The following CASK variants were observed in gnomAD, a reference collection of about 807,000 sequenced individuals.
CASK encodes peripheral plasma membrane protein CASK.
In CASK, 4 loss-of-function variants were observed where a neutral mutation model predicts 82.9. The observed-to-expected ratio is 0.05, with a 90% CI of 0.02 to 0.11. The LOEUF is 0.11. Ranked by LOEUF, CASK falls within the 10% of genes least tolerant of loss-of-function variation. The pLI is 1.00. For missense variants in CASK, 358 were observed against 720.9 expected, an observed-to-expected ratio of 0.50 and a Z score of 5.76; for synonymous variants, 259 against 253.5, an observed-to-expected ratio of 1.02 and a Z score of -0.20.
At chrX:41,545,079 G>A (rs1452131054) in intron 21 of CASK, among the ~76,000 whole-genome samples, 1 of 109,909 alleles carries the variant, frequency 9.1e-6, no homozygotes, top group Non-Finnish European at 1.9e-5. Flanking sequence ...AGGCTGGAGT[G>A]CAGTGGTGCA....
At position 41,520,441 on chromosome X, in the gene CASK, G is replaced by C; in HGVS notation, c.2760C>G (p.Val920=). The C allele has an allele frequency of 8.3e-7, 1 of 1,208,721 alleles. No individual in the cohort carries two copies. Among genetic ancestry groups the C allele is most frequent in the Non-Finnish European group, 1.1e-6 (1 of 893,305 alleles). The change falls in exon 27 of 27, where the codon GTC becomes GTG. Residue 920 remains valine, a synonymous_variant. Transcript: ENST00000378163. ...AGGCCTAATAGACCCAGGAGACAGG[G>C]ACCCACTGTGGGGCTGTGCACACGA... ...VELVCTAPQW[V]PVSWVY is the part of the protein sequence containing the mutation.
Position 41,518,150 on chromosome X carries a change from C to T in CASK, c.*2270G>A, listed in dbSNP as rs2064586605. 6.6e-6 allele frequency: 1 copy of T among 150,879 alleles called. No homozygotes were observed. Among genetic ancestry groups the T allele is most frequent in the African/African-American group, 3.1e-5 (1 of 32,040 alleles). The allele number at this position is 150,879 out of a possible 1,213,427, so 12.4% of individuals were successfully genotyped here. On this transcript the variant is annotated 3_prime_UTR_variant, in exon 27 of 27. Coordinates refer to ENST00000378163, the MANE Select transcript of CASK (RefSeq NM_001367721.1). ...ATGGCAGATGGCTTAAGACAGGCATCATCAGCATCTCTGGAGATGTGGGCT... is the reference window on the plus strand; with the variant it reads ...ATGGCAGATGGCTTAAGACAGGCATTATCAGCATCTCTGGAGATGTGGGCT...
intron 3 of CASK, among the ~76,000 whole-genome samples, chrX:41,757,261 T>G: frequency 8.9e-6 from 1 of 111,932 alleles, no homozygotes; most frequent in Non-Finnish European, 1.9e-5. Flanking sequence ...GGTACTGTTT[T>G]GATGTCTTCA....
chrX:41,580,175 C>A (rs941428633), intron 14 of CASK, among the ~76,000 whole-genome samples: 1 of 112,151 alleles, frequency 8.9e-6, no homozygotes, highest in Non-Finnish European at 1.9e-5. Context: ...ACATAAGAAA[C>A]CAAGATTTAG....
At chrX:41,765,933 T>G (rs2069104843) in intron 3 of CASK, among the ~76,000 whole-genome samples, 2 of 111,971 alleles carry the variant, frequency 1.8e-5, no homozygotes, top group African/African-American at 3.2e-5. Context: ...TGCAGATATC[T>G]GAATAAGATC....
intron 11 of CASK, among the ~76,000 whole-genome samples, chrX:41,618,879 G>A (rs1336793400): frequency 1.9e-5 from 2 of 103,386 alleles, no homozygotes; most frequent in African/African-American, 7.1e-5. Context: ...CAGGCTGGAG[G>A]GCGGTGGTGT....
At chrX:41,832,270 T>A (rs1382715882) in intron 2 of CASK, among the ~76,000 whole-genome samples, 2 of 111,767 alleles carry the variant, frequency 1.8e-5, no homozygotes, top group Non-Finnish European at 3.8e-5. Flanking sequence ...CTTGGGCATG[T>A]CTCTTCAGGG....
intron 2 of CASK, among the ~76,000 whole-genome samples, chrX:41,798,422 G>A (rs780704312): frequency 1.8e-5 from 2 of 112,830 alleles, no homozygotes; most frequent in South Asian, 7.2e-4. Context: ...TACTTACTAT[G>A]AGTCAGGCTC....
chrX:41,727,268 G>A (rs1037212929), intron 5 of CASK: 2 of 1,208,820 alleles, frequency 1.7e-6, no homozygotes, highest in Non-Finnish European at 1.1e-6. Context: ...GGTTTCCAAT[G>A]GGAATATCAA....
At chrX:41,788,198 C>T (rs745335200) in intron 2 of CASK, among the ~76,000 whole-genome samples, 3 of 105,588 alleles carry the variant, frequency 2.8e-5, no homozygotes, top group Admixed American at 2.0e-4. Flanking sequence ...TAATTCCAAA[C>T]TCTACCTACC....
chrX:41,868,415 T>A (rs2071630327), intron 1 of CASK, among the ~76,000 whole-genome samples: 1 of 111,823 alleles, frequency 8.9e-6, no homozygotes, highest in South Asian at 3.8e-4. Flanking sequence ...TAACCAAGAA[T>A]CCCTGCACAT....
At position 41,801,750 on chromosome X, in the gene CASK, C is replaced by T. The variant is rs746007238; in HGVS notation, c.173-14467G>A. ...GGCCAAGCAAATTATCCTTACCCCA[C>T]TTTTTGGAGACTTTGGACACCAGAC... On this transcript the variant is annotated intron_variant, in intron 2 of 26. Transcript: ENST00000378163. Among the ~76,000 whole-genome samples, 3 of 111,377 alleles carry T rather than the reference C, an allele frequency of 2.7e-5. No individual in the cohort carries two copies. The South Asian group carries it at 1.2e-3, about 43-fold the overall frequency.
chrX:41,683,128 C>T (rs1361209860), intron 5 of CASK: 1 of 111,423 alleles, frequency 9.0e-6, no homozygotes, highest in African/African-American at 3.3e-5. Context: ...AAAACTGATC[C>T]TCCTGTTATG....
chrX:41,688,925 A>G lies in CASK; in HGVS notation c.430-17395T>C, dbSNP rs186496374. Reference sequence around the variant, plus strand: ...AAAAGAAAAAAAAAAAGAGGGGGAAAAAAAAAACCCTACCACCACATATGA... The same window carrying G: ...AAAAGAAAAAAAAAAAGAGGGGGAAGAAAAAAACCCTACCACCACATATGA... On this transcript the variant is annotated intron_variant, in intron 5 of 26. Transcript: ENST00000378163. The G allele has an allele frequency of 8.2e-4, 90 of 109,832 alleles. 1 individual carries two copies. Among genetic ancestry groups the G allele is most frequent in the Admixed American group, 8.0e-3 (81 of 10,149 alleles). The allele number at this position is 109,832 out of a possible 1,213,427, so 9.1% of individuals were successfully genotyped here.
rs2064850647 is a variant in CASK, at chrX:41,534,615, T to C, written c.2317+91A>G. Reference sequence around the variant, plus strand: ...ACAAATTTCCTACAATGAACAGTTATACCTTATGTAATCAGAAAAAAATAC... The same window carrying C: ...ACAAATTTCCTACAATGAACAGTTACACCTTATGTAATCAGAAAAAAATAC... On this transcript the variant is annotated intron_variant, in intron 24 of 26. Transcript: ENST00000378163. 3 of 720,560 alleles carry C rather than the reference T, an allele frequency of 4.2e-6. No homozygotes were observed. The East Asian group carries it at 1.0e-4, about 25-fold the overall frequency. The allele number at this position is 720,560 out of a possible 1,213,427, so 59.4% of individuals were successfully genotyped here.
At chrX:41,587,713 A>G (rs2065677430) in intron 13 of CASK, 1 of 112,278 alleles carries the variant, frequency 8.9e-6, no homozygotes, top group Admixed American at 9.5e-5. Context: ...ATTGTTTTCA[A>G]ATAAAATTGT....
intron 2 of CASK, among the ~76,000 whole-genome samples, chrX:41,831,815 G>T (rs977457269): frequency 9.0e-6 from 1 of 110,633 alleles, no homozygotes; most frequent in Non-Finnish European, 1.9e-5. Context: ...AAAAAAATTA[G>T]CTGGGCATTG....
chrX:41,906,950 G>A (rs1256130169), intron 1 of CASK, among the ~76,000 whole-genome samples: 1 of 112,901 alleles, frequency 8.9e-6, no homozygotes, highest in East Asian at 2.8e-4. Context: ...GTTGCCTTTG[G>A]CGACAGACCT....
At chrX:41,676,560 G>A (rs1248789411) in intron 5 of CASK, 10 of 915,786 alleles carry the variant, frequency 1.1e-5, no homozygotes, top group African/African-American at 2.0e-5. Flanking sequence ...TCTACCTGGC[G>A]GGCGCCGCTG....
Sources: gnomAD v4.1 joint callset for allele counts (sites outside exome capture counted in the v4.1 genomes callset) on GRCh38, gnomAD v4.1.1 for gene constraint, MANE v1.5 for transcripts, NCBI Gene and HGNC (gene_info 2026-07-23, HGNC 2026-07-21) for gene names.